Variants in CUEDC1 observed in about 807,000 individuals in gnomAD.
CUEDC1 encodes the protein CUE domain-containing protein 1.
CUEDC1 carries 30 observed loss-of-function variants against 43.7 expected under a neutral mutation model. The ratio of observed to expected loss-of-function variants is 0.69; its 90% CI spans 0.51 to 0.93. The LOEUF (loss-of-function observed/expected upper bound fraction) is 0.93. Ranked by LOEUF, CUEDC1 falls within the 40% of genes least tolerant of loss-of-function variation. The probability of loss-of-function intolerance (pLI) is 0.00; values close to 1 mark genes in which losing one functional copy is unlikely to be tolerated. For missense variants in CUEDC1, 486 were observed against 549.0 expected (o/e 0.89, Z 1.15); for synonymous variants, 223 against 223.6 (o/e 1.00, Z 0.02).
At chr17:57,920,232 C>T (rs777064959) in intron 1 of CUEDC1, among the ~76,000 whole-genome samples, 5 of 152,150 alleles carry the variant, frequency 3.3e-5, no homozygotes, top group African/African-American at 4.8e-5. Context: ...TTATTAGCAA[C>T]GCAGGATCCC....
intron 1 of CUEDC1, among the ~76,000 whole-genome samples, chr17:57,919,535 C>T (rs144880551): frequency 1.2e-4 from 19 of 152,112 alleles, no homozygotes; most frequent in African/African-American, 4.6e-4. Context: ...TTGAGGTGTA[C>T]AAGTGAAAGA....
At chr17:57,869,568 G>T (rs1395012879) in intron 6 of CUEDC1, among the ~76,000 whole-genome samples, 1 of 152,134 alleles carries the variant, frequency 6.6e-6, no homozygotes, top group African/African-American at 2.4e-5. Flanking sequence ...CCCAGAGTTG[G>T]CTGTGAAACA....
chr17:57,867,312 C>T, intron 9 of CUEDC1, 45 bp downstream of exon 9: 1 of 1,532,182 alleles, frequency 6.5e-7, no homozygotes, highest in Non-Finnish European at 8.9e-7. Flanking sequence ...TGGGAGATCA[C>T]CGATCATAGA....
chr17:57,932,366 A>G (rs1356743112), intron 1 of CUEDC1, among the ~76,000 whole-genome samples: 1 of 150,592 alleles, frequency 6.6e-6, no homozygotes, highest in African/African-American at 2.5e-5. Flanking sequence ...TGGGCAAATC[A>G]CGAGGTCAGG....
chr17:57,882,317 A>G (rs1169908939), intron 2 of CUEDC1, among the ~76,000 whole-genome samples: 2 of 149,382 alleles, frequency 1.3e-5, no homozygotes, highest in African/African-American at 2.5e-5. Flanking sequence ...GGTTGGGGAG[A>G]CTGCCAAGGG....
At chr17:57,924,873 T>G (rs942728332) in intron 1 of CUEDC1, among the ~76,000 whole-genome samples, 1 of 152,132 alleles carries the variant, frequency 6.6e-6, no homozygotes, top group African/African-American at 2.4e-5. Context: ...AACAAATGGC[T>G]CCTGACTTTC....
At chr17:57,947,728 G>T (rs1288239176) in intron 1 of CUEDC1, among the ~76,000 whole-genome samples, 1 of 152,138 alleles carries the variant, frequency 6.6e-6, no homozygotes, top group Non-Finnish European at 1.5e-5. Flanking sequence ...TTGAAACTGG[G>T]AGGCAGAGGT....
At chr17:57,878,790 C>G (rs1305012806) in intron 3 of CUEDC1, among the ~76,000 whole-genome samples, 1 of 152,130 alleles carries the variant, frequency 6.6e-6, no homozygotes, top group African/African-American at 2.4e-5. Context: ...CCTCAGCCTC[C>G]CAAGTAGATG....
Position 57,872,783 on chromosome 17 carries a change from C to G in CUEDC1, c.664G>C (p.Asp222His), listed in dbSNP as rs763180096. The change falls in exon 5 of 11, where the codon GAC (aspartate) becomes CAC (histidine). Residue 222 changes from aspartate to histidine, a missense_variant. Coordinates refer to ENST00000577830, the MANE Select transcript of CUEDC1 (RefSeq NM_001271875.2). The stretch of plus-strand genomic sequence containing the variant: ...TACTGCTTCCAGCGGCTCTCCTGGT[C>G]TCCGGGCCCTGGCCCAGCCATGGCA... The part of the protein sequence containing the change: ...PPAMAGPGPG[D>H]QESRWKQYLE... The G allele has an allele frequency of 6.2e-7, 1 of 1,614,220 alleles. No individual in the cohort carries two copies. The highest frequency in any genetic ancestry group is 8.5e-7 in the Non-Finnish European group (1 of 1,180,038).
intron 3 of CUEDC1, 118 bp downstream of exon 3, chr17:57,879,493 A>G: frequency 7.8e-7 from 1 of 1,286,218 alleles, no homozygotes; most frequent in Non-Finnish European, 1.0e-6. Context: ...CTGCAGTAGA[A>G]GCCTGTTCTT....
chr17:57,949,056 A>C (rs185621553), intron 1 of CUEDC1, among the ~76,000 whole-genome samples: 4 of 152,194 alleles, frequency 2.6e-5, no homozygotes, highest in Admixed American at 2.6e-4. Flanking sequence ...TGAAACCCAC[A>C]CCGCTACTTA....
chr17:57,930,067 T>C lies in CUEDC1; in HGVS notation c.-316+25158A>G, dbSNP rs956592169. On this transcript the variant is annotated intron_variant, in intron 1 of 10. Coordinates refer to ENST00000577830, the MANE Select transcript of CUEDC1 (RefSeq NM_001271875.2). This position sits in a 1 kb window ranked among gnomAD's most constrained non-coding sequence, Gnocchi z 4.2. Reference sequence around the variant, plus strand: ...ATCCACCCGCCTCGGCCTCCCAAAGTGCTGGGATTACAGGCGTGAGCCACT... The same window carrying C: ...ATCCACCCGCCTCGGCCTCCCAAAGCGCTGGGATTACAGGCGTGAGCCACT... Among the ~76,000 whole-genome samples, 3 of 152,154 alleles carry C rather than the reference T, an allele frequency of 2.0e-5. No homozygotes were observed. Among genetic ancestry groups the C allele is most frequent in the Admixed American group, 1.3e-4 (2 of 15,270 alleles).
At chr17:57,909,784 C>T (rs1013407970) in intron 1 of CUEDC1, among the ~76,000 whole-genome samples, 6 of 152,172 alleles carry the variant, frequency 3.9e-5, no homozygotes, top group African/African-American at 1.4e-4. Context: ...CCTGAGTGTG[C>T]AAATGCAAAA....
rs1281652279 is a variant in CUEDC1 at position 57,885,661 on chromosome 17, G to C, written c.-97C>G. The C allele has an allele frequency of 3.8e-6, 5 of 1,324,228 alleles. No homozygotes were observed. The Admixed American group carries it at 1.3e-4, about 33-fold the overall frequency. The allele number at this position is 1,324,228 out of a possible 1,614,324, so 82.0% of individuals were successfully genotyped here. A position where few individuals can be genotyped will look rare whatever the true frequency, so the allele number is the denominator to read the frequency against. ...AGCCGCTTACTTGCCCTGCGGTCTCGGGCAGCTCACTCCTGCGCCTCCTCC... is the reference window on the plus strand; with the variant it reads ...AGCCGCTTACTTGCCCTGCGGTCTCCGGCAGCTCACTCCTGCGCCTCCTCC... On this transcript the variant is annotated 5_prime_UTR_variant, in exon 2 of 11. Coordinates refer to ENST00000577830, the MANE Select transcript of CUEDC1 (RefSeq NM_001271875.2).
intron 1 of CUEDC1, among the ~76,000 whole-genome samples, chr17:57,915,627 C>A (rs561937739): frequency 1.3e-5 from 2 of 152,306 alleles, no homozygotes; most frequent in East Asian, 3.9e-4. Context: ...AAGTTGGCGC[C>A]TGGCCTTAGG....
chr17:57,932,367 CGA>C (rs1309919506), intron 1 of CUEDC1, among the ~76,000 whole-genome samples: 2 of 151,066 alleles, frequency 1.3e-5, no homozygotes, highest in African/African-American at 2.4e-5. Flanking sequence ...GGGCAAATCA[CGA>C]GGTCAGGAGA....
intron 1 of CUEDC1, among the ~76,000 whole-genome samples, chr17:57,941,614 GA>G (rs1264549505): frequency 1.3e-5 from 2 of 152,214 alleles, no homozygotes; most frequent in African/African-American, 4.8e-5. Context: ...TACTTTTGTA[GA>G]TGTTTGACAT....
At chr17:57,897,331 C>T (rs747129619) in intron 1 of CUEDC1, among the ~76,000 whole-genome samples, 4 of 152,124 alleles carry the variant, frequency 2.6e-5, no homozygotes, top group East Asian at 3.9e-4. Context: ...AGTCTGGCCC[C>T]GGAGTCCATG....
At chr17:57,936,628 C>T (rs1468393576) in intron 1 of CUEDC1, among the ~76,000 whole-genome samples, 2 of 152,078 alleles carry the variant, frequency 1.3e-5, no homozygotes, top group Admixed American at 1.3e-4. Flanking sequence ...TTCCACAGAG[C>T]ATGGCACTAC....
Sources: gnomAD v4.1 joint callset for allele counts (sites outside exome capture counted in the v4.1 genomes callset) on GRCh38, gnomAD v4.1.1 for gene constraint, Gnocchi (gnomAD v3.1) non-coding constraint, MANE v1.5 for transcripts, NCBI Gene and HGNC (gene_info 2026-07-23, HGNC 2026-07-21) for gene names.